NAA15: variants seen among roughly 807,000 people sequenced by gnomAD.
NAA15 encodes N-terminal acetyltransferase.
In NAA15, 34 loss-of-function variants were observed where a neutral mutation model predicts 114.0. That is an observed-to-expected ratio of 0.30 (90% CI 0.23 to 0.40). The LOEUF (loss-of-function observed/expected upper bound fraction) is 0.40, where lower values mean the gene tolerates loss of function less well. NAA15 is among the 10% of genes least tolerant of loss of function. NAA15 has a pLI of 1.00. For missense variants in NAA15, 658 were observed against 1,004.5 expected (o/e 0.66, Z 4.66); for synonymous variants, 340 against 338.0 (o/e 1.01, Z -0.06).
chr4:139,317,424 C>G (rs189440965), intron 1 of NAA15, among the ~76,000 whole-genome samples: 1 of 152,138 alleles, frequency 6.6e-6, no homozygotes, highest in South Asian at 2.1e-4. Context: ...GAGTTCGAGA[C>G]CAGCCTGGCC....
intron 7 of NAA15, among the ~76,000 whole-genome samples, chr4:139,350,308 C>T (rs1018077320): frequency 6.6e-6 from 1 of 152,086 alleles, no homozygotes; most frequent in South Asian, 2.1e-4. Flanking sequence ...CTGACAGAAA[C>T]GGAGATATAT....
At position 139,305,441 on chromosome 4, in the gene NAA15, A is replaced by AT. The variant is rs202100611; in HGVS notation, c.54+3624dup. Among the ~76,000 whole-genome samples, 794 of 137,214 alleles carry AT rather than the reference A, an allele frequency of 5.8e-3. 3 individuals are homozygous for AT. The highest frequency in any genetic ancestry group is 0.013 in the African/African-American group (466 of 37,128). 90.0% of individuals were successfully genotyped at this position (137,214 alleles called of 152,430 possible). A position where few individuals can be genotyped will look rare whatever the true frequency, so the allele number is the denominator to read the frequency against. ...TTGATAGTAAGTTAGTGCTTTTAAGATTTTTTTTTTTTTTGCCCGGTCTGA... is the reference window on the plus strand; with the variant it reads ...TTGATAGTAAGTTAGTGCTTTTAAGATTTTTTTTTTTTTTTGCCCGGTCTGA... On this transcript the variant is annotated intron_variant, in intron 1 of 19. Coordinates refer to ENST00000296543, the MANE Select transcript of NAA15 (RefSeq NM_057175.5).
intron 19 of NAA15, among the ~76,000 whole-genome samples, chr4:139,386,947 C>A (rs953753364): frequency 2.6e-5 from 4 of 152,024 alleles, no homozygotes; most frequent in Non-Finnish European, 5.9e-5. Context: ...GTAGTTTAAA[C>A]TAGAAACAAA....
intron 1 of NAA15, among the ~76,000 whole-genome samples, chr4:139,304,028 C>G (rs769879222): frequency 6.6e-6 from 1 of 152,174 alleles, no homozygotes; most frequent in Non-Finnish European, 1.5e-5. Context: ...CGCCATTCTC[C>G]TGCCTTAGCC....
rs1051263018 is a variant in NAA15 at position 139,340,946 on chromosome 4, C to T, written c.279C>T (p.Asp93=). Residue 93 remains aspartate, a synonymous_variant, in exon 4 of 20, where the codon GAC becomes GAT. Transcript: ENST00000296543. ...WHVYGLLQRS[D]KKYDEAIKCY... ...TTTATGGCCTTCTTCAGAGGTCAGA[C>T]AAGAAGTATGATGAAGCCATTAAGT... is the stretch of plus-strand genomic sequence containing the variant. 6.3e-7 allele frequency: 1 copy of T among 1,599,502 alleles called. No individual in the cohort carries two copies. Among genetic ancestry groups the T allele is most frequent in the South Asian group, 1.1e-5 (1 of 87,300 alleles).
intron 1 of NAA15, chr4:139,318,439 C>A (rs1197563404): frequency 6.6e-6 from 1 of 151,964 alleles, no homozygotes; most frequent in East Asian, 1.9e-4. Flanking sequence ...ATTAGCATGG[C>A]CCTTGCACAA....
At position 139,301,513 on chromosome 4, in the gene NAA15, CTG is replaced by C. The variant is rs1205593892; in HGVS notation, c.-263_-262del. On this transcript the variant is annotated 5_prime_UTR_variant, in exon 1 of 20. Coordinates refer to ENST00000296543, the MANE Select transcript of NAA15 (RefSeq NM_057175.5). The stretch of plus-strand genomic sequence containing the variant: ...TCCGCGTCCGCCATTTTGGCTGCCT[CTG>C]TCGGTCTGTTCAGTTACCACGTGAA... 37 of 468,900 alleles carry C rather than the reference CTG, an allele frequency of 7.9e-5. No homozygotes were observed. The highest frequency in any genetic ancestry group is 1.1e-4 in the Non-Finnish European group (30 of 263,934). The allele number at this position is 468,900 out of a possible 1,614,324, so 29.0% of individuals were successfully genotyped here.
At chr4:139,302,526 C>T (rs917568578) in intron 1 of NAA15, 2 of 152,182 alleles carry the variant, frequency 1.3e-5, no homozygotes, top group South Asian at 2.1e-4. Flanking sequence ...GGGAAACAGC[C>T]CCACCCCGTC....
Position 139,388,232 on chromosome 4 carries a change from G to A in NAA15, c.*148G>A. The A allele has an allele frequency of 1.7e-6, 1 of 596,396 alleles. No homozygotes were observed. Among genetic ancestry groups the A allele is most frequent in the Non-Finnish European group, 2.8e-6 (1 of 351,262 alleles). 36.9% of individuals were successfully genotyped at this position (596,396 alleles called of 1,614,324 possible). On this transcript the variant is annotated 3_prime_UTR_variant, in exon 20 of 20. Coordinates refer to ENST00000296543, the MANE Select transcript of NAA15 (RefSeq NM_057175.5). ...AATAGTGTTTTACGTTTTTTATCCT[G>A]CTGAAAAAGTATATATAAAATATCT...
At chr4:139,349,955 C>T (rs772924814) in intron 7 of NAA15, among the ~76,000 whole-genome samples, 24 of 151,694 alleles carry the variant, frequency 1.6e-4, no homozygotes, top group Non-Finnish European at 1.8e-4. Context: ...CACTGCATTC[C>T]ACCCTGGGCA....
intron 1 of NAA15, among the ~76,000 whole-genome samples, chr4:139,326,750 G>C (rs924560063): frequency 7.2e-5 from 11 of 152,052 alleles, no homozygotes; most frequent in African/African-American, 2.7e-4. Context: ...CATATTTACT[G>C]TATTAGTTTT....
Position 139,370,339 on chromosome 4 carries a change from A to G in NAA15, c.1882A>G (p.Lys628Glu), listed in dbSNP as rs2110977471. 1 of 1,595,998 alleles carries G rather than the reference A, an allele frequency of 6.3e-7. No individual in the cohort carries two copies. Among genetic ancestry groups the G allele is most frequent in the Non-Finnish European group, 8.5e-7 (1 of 1,170,770 alleles). ...GCAGCAGAGAAATCAGAAAAAGAAG[A>G]AGGATGATGATGATGAGGAGATAGG... Reference protein sequence around the residue: ...EKQQRNQKKKKDDDDEEIGGP... With the variant: ...EKQQRNQKKKEDDDDEEIGGP... Residue 628 changes from lysine to glutamate, a missense_variant, in exon 15 of 20, where the codon AAG becomes GAG. By Grantham distance (56) the Lys-to-Glu change is moderately conservative. Transcript: ENST00000296543.
chr4:139,310,745 A>G (rs915290646), intron 1 of NAA15, among the ~76,000 whole-genome samples: 3 of 151,198 alleles, frequency 2.0e-5, no homozygotes, highest in African/African-American at 7.3e-5. Flanking sequence ...CAGCTTCCTG[A>G]GTAGCTGGGA....
chr4:139,357,799 G>A (rs188731532), intron 11 of NAA15, among the ~76,000 whole-genome samples: 190 of 152,226 alleles, frequency 1.2e-3, no homozygotes, highest in Non-Finnish European at 2.0e-3. Flanking sequence ...GTATTCACAC[G>A]TATCTGGTAA....
Position 139,334,185 on chromosome 4 carries a change from A to G in NAA15, c.66A>G (p.Glu22=), listed in dbSNP as rs935307592. 8.2e-6 allele frequency: 13 copies of G among 1,594,502 alleles called. No homozygotes were observed. The highest frequency in any genetic ancestry group is 1.0e-5 in the Non-Finnish European group (12 of 1,172,464). Residue 22 remains glutamate, a synonymous_variant, in exon 2 of 20, where the codon GAA becomes GAG. Coordinates refer to ENST00000296543, the MANE Select transcript of NAA15 (RefSeq NM_057175.5). The stretch of plus-strand genomic sequence containing the variant: ...TTTTGTTTTGACAGAGGTGTTATGA[A>G]CATAAACAGTATAGAAATGGATTGA... ...ALFKRILRCY[E]HKQYRNGLKF...
At chr4:139,331,870 A>T (rs13125065) in intron 1 of NAA15, among the ~76,000 whole-genome samples, 29,183 of 151,898 alleles carry the variant, frequency 0.19, 3,190 homozygotes, top group Non-Finnish European at 0.25. Context: ...AGTCTTATAC[A>T]AGCTTTTGTT....
chr4:139,301,942 C>T, intron 1 of NAA15, 111 bp downstream of exon 1: 1 of 1,178,990 alleles, frequency 8.5e-7, no homozygotes, highest in Non-Finnish European at 1.2e-6. Flanking sequence ...GGGACCCCGC[C>T]TTCATAGCTC....
chr4:139,328,547 C>CTTTTCT (rs1398467945), intron 1 of NAA15, among the ~76,000 whole-genome samples: 17 of 149,498 alleles, frequency 1.1e-4, no homozygotes, highest in South Asian at 1.1e-3. Flanking sequence ...TTTCCTTTTC[C>CTTTTCT]TTTTCTTTTT....
chr4:139,337,718 A>G (rs17050742), intron 3 of NAA15, among the ~76,000 whole-genome samples: 9,549 of 152,218 alleles, frequency 0.063, 991 homozygotes, highest in African/African-American at 0.22. Context: ...ACAATTAGCA[A>G]TTTTTCAGAT....
Sources: allele counts gnomAD v4.1 joint callset (sites outside exome capture counted in the v4.1 genomes callset), GRCh38; gene constraint gnomAD v4.1.1; transcripts MANE v1.5; gene names NCBI Gene and HGNC (gene_info 2026-07-23, HGNC 2026-07-21).